IQCM: variants seen among roughly 807,000 people sequenced by gnomAD.
The protein encoded by IQCM is IQ domain-containing protein M.
In IQCM, 45 loss-of-function variants were observed where a neutral mutation model predicts 57.6. The observed-to-expected ratio is 0.78, with a 90% CI of 0.62 to 1.00. The LOEUF is 1.00. IQCM is among the 50% of genes least tolerant of loss of function. The probability of loss-of-function intolerance (pLI) is 0.00; values close to 1 mark genes in which losing one functional copy is unlikely to be tolerated. For missense variants in IQCM, 468 were observed against 511.6 expected, an observed-to-expected ratio of 0.91 and a Z score of 0.82; for synonymous variants, 148 against 158.9, an observed-to-expected ratio of 0.93 and a Z score of 0.51.
chr4:149,756,368 TA>T (rs1202157459), intron 2 of IQCM, among the ~76,000 whole-genome samples: 14 of 152,302 alleles, frequency 9.2e-5, no homozygotes, highest in African/African-American at 3.1e-4. Context: ...GACAATGTTT[TA>T]AAACATCTGA....
chr4:149,691,736 AC>A (rs1395771477), intron 5 of IQCM: 8 of 152,204 alleles, frequency 5.3e-5, no homozygotes, highest in African/African-American at 1.7e-4. Flanking sequence ...ACAGATACTC[AC>A]ATCTGAATAC....
At chr4:149,770,543 T>C (rs1251815736) in intron 2 of IQCM, among the ~76,000 whole-genome samples, 1 of 152,066 alleles carries the variant, frequency 6.6e-6, no homozygotes, top group African/African-American at 2.4e-5. Flanking sequence ...ATAAAATTAG[T>C]AAATAAAATT....
intron 12 of IQCM, among the ~76,000 whole-genome samples, chr4:149,476,537 A>C (rs1330151573): frequency 6.6e-6 from 1 of 152,184 alleles, no homozygotes; most frequent in Non-Finnish European, 1.5e-5. Context: ...GTCTACTTCA[A>C]AGAAGAAGAG....
intron 13 of IQCM, among the ~76,000 whole-genome samples, chr4:149,425,517 G>A (rs1273661923): frequency 6.6e-6 from 1 of 151,998 alleles, no homozygotes; most frequent in East Asian, 1.9e-4. Flanking sequence ...CAGGAGCACT[G>A]ATGTCCAAGG....
chr4:149,365,259 G>A, intron 13 of IQCM, among the ~76,000 whole-genome samples: 1 of 152,018 alleles, frequency 6.6e-6, no homozygotes, highest in East Asian at 1.9e-4. Context: ...ATGTCAAAGA[G>A]ACACAGGAGC....
Position 149,368,875 on chromosome 4 carries a change from C to T in IQCM, c.1391-16809G>A, listed in dbSNP as rs1182657709. Among the ~76,000 whole-genome samples the T allele has an allele frequency of 3.7e-3, 192 of 51,794 alleles. 2 individuals carry two copies. Among genetic ancestry groups the T allele is most frequent in the Non-Finnish European group, 4.9e-3 (123 of 24,992 alleles). 34.0% of individuals were successfully genotyped at this position (51,794 alleles called of 152,430 possible). A position where few individuals can be genotyped will look rare whatever the true frequency, so the allele number is the denominator to read the frequency against. The stretch of plus-strand genomic sequence containing the variant: ...ATACATGTATATATATACATATATA[C>T]ACGTGTATATATATGTATATATATA... On this transcript the variant is annotated intron_variant, in intron 13 of 13. Coordinates refer to ENST00000636793, the MANE Select transcript of IQCM (RefSeq NM_001363507.2).
intron 7 of IQCM, among the ~76,000 whole-genome samples, chr4:149,631,143 C>T (rs763623412): frequency 1.3e-5 from 2 of 152,150 alleles, no homozygotes; most frequent in Non-Finnish European, 2.9e-5. Flanking sequence ...TAACAAGCAT[C>T]CCAGGTATAC....
At chr4:149,656,143 G>T in intron 7 of IQCM, among the ~76,000 whole-genome samples, 1 of 151,896 alleles carries the variant, frequency 6.6e-6, no homozygotes, top group African/African-American at 2.4e-5. Context: ...GAAACTCAAA[G>T]GAGAGCATAC....
chr4:149,764,838 G>T (rs1769888074), intron 2 of IQCM, among the ~76,000 whole-genome samples: 1 of 151,980 alleles, frequency 6.6e-6, no homozygotes, highest in Non-Finnish European at 1.5e-5. Context: ...GTATGGTATG[G>T]GTTATTGAAC....
At chr4:149,664,957 C>T (rs867864815) in intron 7 of IQCM, among the ~76,000 whole-genome samples, 3 of 152,130 alleles carry the variant, frequency 2.0e-5, no homozygotes, top group Non-Finnish European at 4.4e-5. Flanking sequence ...CTCTGCAGGT[C>T]TTTTCATTCC....
intron 7 of IQCM, among the ~76,000 whole-genome samples, chr4:149,675,126 G>T (rs1157319977): frequency 1.3e-5 from 2 of 151,950 alleles, no homozygotes; most frequent in Non-Finnish European, 2.9e-5. Context: ...AAAGTGAATG[G>T]ATTAAAATAT....
At chr4:149,686,574 A>G (rs1561156140) in intron 5 of IQCM, 106 bp from the exon 6 acceptor site, 2 of 424,792 alleles carry the variant, frequency 4.7e-6, no homozygotes, top group Non-Finnish European at 7.9e-6. Context: ...AAGAGCTATA[A>G]TCTTTTAAAA....
At chr4:149,444,695 T>A (rs1736316877) in intron 12 of IQCM, among the ~76,000 whole-genome samples, 2 of 151,714 alleles carry the variant, frequency 1.3e-5, no homozygotes, top group Admixed American at 6.6e-5. Context: ...AAAAACAGAT[T>A]AGCAGGCACT....
chr4:149,520,844 T>G (rs550841013), intron 12 of IQCM, among the ~76,000 whole-genome samples: 1 of 152,106 alleles, frequency 6.6e-6, no homozygotes, highest in South Asian at 2.1e-4. Context: ...CTCTTCCACC[T>G]TGCCTCCTAC....
intron 12 of IQCM, among the ~76,000 whole-genome samples, chr4:149,520,330 C>T (rs1218855040): frequency 6.6e-6 from 1 of 151,252 alleles, no homozygotes; most frequent in Admixed American, 6.6e-5. Context: ...ACATGGCTGA[C>T]TCCAGACCTC....
At chr4:149,373,415 C>A (rs1730497075) in intron 13 of IQCM, among the ~76,000 whole-genome samples, 1 of 152,072 alleles carries the variant, frequency 6.6e-6, no homozygotes, top group Non-Finnish European at 1.5e-5. Context: ...TGTATTTTCT[C>A]ATTTAACCTT....
chr4:149,643,855 A>T (rs1274437640), intron 7 of IQCM, among the ~76,000 whole-genome samples: 1 of 152,196 alleles, frequency 6.6e-6, no homozygotes, highest in African/African-American at 2.4e-5. Flanking sequence ...TCTTGCTTTA[A>T]TTCCTGGGTT....
chr4:149,746,039 C>CA (rs550807112), intron 2 of IQCM, among the ~76,000 whole-genome samples: 2,484 of 104,344 alleles, frequency 0.024, 32 homozygotes, highest in African/African-American at 0.05. Flanking sequence ...ATTCTTTTGG[C>CA]AAAAAAAAAA....
chr4:149,754,592 GTCTCCT>G (rs1474437046), intron 2 of IQCM, among the ~76,000 whole-genome samples: 5 of 152,078 alleles, frequency 3.3e-5, no homozygotes, highest in African/African-American at 1.2e-4. Context: ...TTTTATCACT[GTCTCCT>G]TCTTGAAATA....
Sources: allele counts gnomAD v4.1 joint callset (sites outside exome capture counted in the v4.1 genomes callset), GRCh38; gene constraint gnomAD v4.1.1; transcripts MANE v1.5; gene names NCBI Gene and HGNC (gene_info 2026-07-23, HGNC 2026-07-21).